Variants in H2BC4 observed in about 807,000 individuals in gnomAD.
The protein encoded by H2BC4 is H2B clustered histone 4.
In H2BC4, 10 loss-of-function variants were observed where a neutral mutation model predicts 6.2. That is an observed-to-expected ratio of 1.61 (90% CI 0.99 to 2.73). The LOEUF (loss-of-function observed/expected upper bound fraction) is 2.73, where lower values mean the gene tolerates loss of function less well. Among genes scored for constraint, H2BC4 ranks in the 30% most tolerant of loss-of-function variants. The pLI is 0.00. For synonymous variants in H2BC4, 146 were observed against 70.7 expected (o/e 2.07, Z -5.35); for missense variants, 176 against 168.7 (o/e 1.04, Z -0.24).
downstream of H2BC4, among the ~76,000 whole-genome samples, chr6:26,114,425 G>A (rs1056314): frequency 0.53 from 79,895 of 151,920 alleles, 21,635 homozygotes; most frequent in East Asian, 0.71. Flanking sequence ...TAGGTTAACA[G>A]TGATTTTTAA....
At chr6:26,116,324 T>G (rs1291607734) in intron 1 of H2BC4, among the ~76,000 whole-genome samples, 1 of 152,180 alleles carries the variant, frequency 6.6e-6, no homozygotes, top group Non-Finnish European at 1.5e-5. Flanking sequence ...AATTGCGCAT[T>G]GGATGATAAG....
chr6:26,120,788 T>C (rs923521457), downstream of H2BC4, among the ~76,000 whole-genome samples: 1 of 152,218 alleles, frequency 6.6e-6, no homozygotes, highest in African/African-American at 2.4e-5. Context: ...GACTCAATAG[T>C]CCAATTTGTA....
downstream of H2BC4, among the ~76,000 whole-genome samples, chr6:26,120,186 G>A (rs1271798222): frequency 1.3e-5 from 2 of 151,838 alleles, no homozygotes. Context: ...GTCTTTTCTG[G>A]GCACGGTGGC....
At chr6:26,119,663 A>C (rs866080599), downstream of H2BC4, among the ~76,000 whole-genome samples, 13 of 152,062 alleles carry the variant, frequency 8.5e-5, no homozygotes, top group South Asian at 2.1e-4. Flanking sequence ...GAAATTTAGT[A>C]AATGCAAGTT....
At chr6:26,120,867 C>T (rs190899344), downstream of H2BC4, among the ~76,000 whole-genome samples, 396 of 152,190 alleles carry the variant, frequency 2.6e-3, 1 homozygote, top group Non-Finnish European at 3.9e-3. Flanking sequence ...TGTGAAATTA[C>T]TAAAATTAAT....
Position 26,123,539 on chromosome 6 carries a change from G to T in H2BC4, c.366C>A (p.Tyr122Ter). ...VSEGTKAVTK[Y>*]TSSK The stretch of plus-strand genomic sequence containing the variant: ...CTTGGAATGTTTACTTGGAGCTGGT[G>T]TACTTGGTGACGGCCTTGGTGCCCT... Residue 122 changes from tyrosine to a stop codon, truncating the protein, a stop_gained, in exon 1 of 1, where the codon TAC (tyrosine) becomes TAA (stop). Coordinates refer to ENST00000396984, the MANE Select transcript of H2BC4 (RefSeq NM_003526.3). LOFTEE classifies it high-confidence loss of function. 1 of 1,614,270 alleles carries T rather than the reference G, an allele frequency of 6.2e-7. No homozygotes were observed. The highest frequency in any genetic ancestry group is 8.5e-7 in the Non-Finnish European group (1 of 1,180,046).
chr6:26,119,212 G>T (rs1436907450), downstream of H2BC4, among the ~76,000 whole-genome samples: 1 of 152,032 alleles, frequency 6.6e-6, no homozygotes, highest in Non-Finnish European at 1.5e-5. Flanking sequence ...GGTCCTCTAC[G>T]CCCACACGTA....
At chr6:26,120,200 C>G (rs180967031), downstream of H2BC4, among the ~76,000 whole-genome samples, 1 of 152,092 alleles carries the variant, frequency 6.6e-6, no homozygotes, top group African/African-American at 2.4e-5. Flanking sequence ...CGGTGGCTCA[C>G]GCCTGTAATC....
At chr6:26,117,050 TA>T (rs1211916708) in intron 1 of H2BC4, among the ~76,000 whole-genome samples, 3 of 152,186 alleles carry the variant, frequency 2.0e-5, no homozygotes, top group African/African-American at 7.2e-5. Flanking sequence ...AGAGAAATGA[TA>T]GTTATCATTC....
downstream of H2BC4, among the ~76,000 whole-genome samples, chr6:26,118,488 A>C (rs79991578): frequency 7.9e-3 from 1,203 of 152,340 alleles, 18 homozygotes; most frequent in African/African-American, 0.026. Context: ...ACCTGCAAAA[A>C]GTTAGCATGC....
At chr6:26,115,765 T>A (rs76817242) in intron 1 of H2BC4, among the ~76,000 whole-genome samples, 2,388 of 152,272 alleles carry the variant, frequency 0.016, 66 homozygotes, top group African/African-American at 0.052. Flanking sequence ...GCAGATTTTT[T>A]AAACATGCAA....
chr6:26,117,367 G>A (rs1173088139), intron 1 of H2BC4, among the ~76,000 whole-genome samples: 1 of 152,128 alleles, frequency 6.6e-6, no homozygotes, highest in Non-Finnish European at 1.5e-5. Flanking sequence ...CTAGAAGGTA[G>A]GTGCTATTAC....
At chr6:26,115,583 C>T (rs866421516) in intron 1 of H2BC4, among the ~76,000 whole-genome samples, 5 of 152,108 alleles carry the variant, frequency 3.3e-5, no homozygotes, top group African/African-American at 4.8e-5. Flanking sequence ...GAAGATACAG[C>T]GACGAAGGCC....
At chr6:26,121,493 T>C (rs192199851), downstream of H2BC4, among the ~76,000 whole-genome samples, 67 of 152,148 alleles carry the variant, frequency 4.4e-4, no homozygotes, top group African/African-American at 1.6e-3. Flanking sequence ...ATAAACACTG[T>C]CTTGGTGGAA....
downstream of H2BC4, chr6:26,123,445 C>T: frequency 1.3e-6 from 2 of 1,576,722 alleles, no homozygotes; most frequent in East Asian, 2.2e-5. Context: ...GGCGTCTGGC[C>T]ACAGCTCTTT....
chr6:26,121,102 T>C (rs1468803162), downstream of H2BC4, among the ~76,000 whole-genome samples: 1 of 152,190 alleles, frequency 6.6e-6, no homozygotes, highest in Non-Finnish European at 1.5e-5. Context: ...GAAAGAGGCA[T>C]ACAAGCACAA....
chr6:26,119,907 A>T (rs975410746), downstream of H2BC4, among the ~76,000 whole-genome samples: 4 of 151,764 alleles, frequency 2.6e-5, no homozygotes, highest in African/African-American at 9.7e-5. Context: ...ATTGTGAAGT[A>T]TTTTTTTTAC....
chr6:26,121,318 C>G (rs1763493976), downstream of H2BC4, among the ~76,000 whole-genome samples: 1 of 152,216 alleles, frequency 6.6e-6, no homozygotes, highest in African/African-American at 2.4e-5. Context: ...CAATATGCAA[C>G]CAATCAGCCA....
chr6:26,122,684 C>G (rs577406287), downstream of H2BC4, among the ~76,000 whole-genome samples: 34 of 152,264 alleles, frequency 2.2e-4, no homozygotes, highest in Non-Finnish European at 3.4e-4. Flanking sequence ...GTTGGCTTCT[C>G]CTAAAGCAAC....
Sources: gnomAD v4.1 joint callset for allele counts (sites outside exome capture counted in the v4.1 genomes callset) on GRCh38, gnomAD v4.1.1 for gene constraint, MANE v1.5 for transcripts, NCBI Gene and HGNC (gene_info 2026-07-23, HGNC 2026-07-21) for gene names.